The following RGMA variants were observed in gnomAD, a reference collection of about 807,000 sequenced individuals.
RGMA encodes repulsive guidance molecule A.
RGMA carries 10 observed loss-of-function variants against 23.2 expected under a neutral mutation model. The ratio of observed to expected loss-of-function variants is 0.43; its 90% CI spans 0.27 to 0.73. RGMA has a LOEUF of 0.73. Ranked by LOEUF, RGMA falls within the 30% of genes least tolerant of loss-of-function variation. The probability of loss-of-function intolerance (pLI) is 0.20; values close to 1 mark genes in which losing one functional copy is unlikely to be tolerated. For missense variants in RGMA, 547 were observed against 630.5 expected (o/e 0.87, Z 1.42); for synonymous variants, 308 against 279.3 (o/e 1.10, Z -1.03).
intron 2 of RGMA, chr15:93,066,396 G>C: frequency 2.9e-6 from 2 of 681,122 alleles, no homozygotes; most frequent in Non-Finnish European, 2.7e-6. Flanking sequence ...CCAGGTGGGG[G>C]AAACGGGGGG....
intron 3 of RGMA, among the ~76,000 whole-genome samples, chr15:93,050,913 G>A (rs769695212): frequency 6.6e-6 from 1 of 152,182 alleles, no homozygotes; most frequent in Non-Finnish European, 1.5e-5. Flanking sequence ...TCAGGAGGGC[G>A]GGTGGTGGGG....
chr15:93,073,877 A>C (rs2096746605), intron 1 of RGMA: 1 of 1,464,026 alleles, frequency 6.8e-7, no homozygotes, highest in African/African-American at 1.5e-5. Flanking sequence ...ACCTTGGCAC[A>C]GCTGCCACTC....
At position 93,084,597 on chromosome 15, in the gene RGMA, G is replaced by A. The variant is rs920629771; in HGVS notation, c.14+4322C>T. On this transcript the variant is annotated intron_variant, in intron 1 of 3. Transcript: ENST00000329082. ...AAGCGACTCTCCTCTCTCAGCCACC[G>A]GAGTAGCTGGGACTACAGTCATGTG... 2.6e-5 allele frequency among the ~76,000 whole-genome samples: 4 copies of A among 151,930 alleles called. No homozygotes were observed. In the East Asian group the frequency reaches 7.7e-4, roughly 29 times the overall value.
chr15:93,059,341 G>A lies in RGMA; in HGVS notation c.131-6834C>T, dbSNP rs183784182. Among the ~76,000 whole-genome samples the A allele has an allele frequency of 2.0e-5, 3 of 152,294 alleles. No individual in the cohort carries two copies. The East Asian group carries it at 5.8e-4, about 29-fold the overall frequency. Reference sequence around the variant, plus strand: ...ACAAAGGTCTGTGCGGAGCCCACCAGGAGCAGCGGCTGCTGCCAACTGACC... The same window carrying A: ...ACAAAGGTCTGTGCGGAGCCCACCAAGAGCAGCGGCTGCTGCCAACTGACC... On this transcript the variant is annotated intron_variant, in intron 2 of 3. Transcript: ENST00000329082.
At chr15:93,049,546 GAAA>G (rs1158719090) in intron 3 of RGMA, among the ~76,000 whole-genome samples, 1 of 152,212 alleles carries the variant, frequency 6.6e-6, no homozygotes, top group African/African-American at 2.4e-5. Flanking sequence ...TGTCCACGTA[GAAA>G]ACACTAGATC....
chr15:93,072,269 G>A (rs534588970), intron 2 of RGMA, among the ~76,000 whole-genome samples: 131 of 152,344 alleles, frequency 8.6e-4, no homozygotes, highest in African/African-American at 3.0e-3. Context: ...AACTATGGGG[G>A]ATTCATTGGA....
At chr15:93,087,650 G>A (rs1291557532) in intron 1 of RGMA, among the ~76,000 whole-genome samples, 1 of 152,138 alleles carries the variant, frequency 6.6e-6, no homozygotes, top group Non-Finnish European at 1.5e-5. Flanking sequence ...CACAGGAGAA[G>A]ACAGAGGTTT....
At chr15:93,088,596 T>C (rs2141853153) in intron 1 of RGMA, 1 of 1,073,194 alleles carries the variant, frequency 9.3e-7, no homozygotes, top group Non-Finnish European at 1.1e-6. Context: ...CGTCCGGGGC[T>C]CCGCGAGCCG....
rs2054734671 is a variant in RGMA at position 93,042,321 on chromosome 15, TAACTG to T, written c.*2672_*2676del. On this transcript the variant is annotated 3_prime_UTR_variant, in exon 4 of 4. Transcript: ENST00000329082. ...TGTATCGCCCCTTTCCTTCTCCCCT[TAACTG>T]ATTTATCTTGCTTTGGGATAATACC... 6.6e-6 allele frequency: 1 copy of T among 151,742 alleles called. No homozygotes were observed. The highest frequency in any genetic ancestry group is 2.1e-4 in the South Asian group (1 of 4,776). 9.4% of individuals were successfully genotyped at this position (151,742 alleles called of 1,614,324 possible).
At chr15:93,073,756 T>C (rs755686091) in intron 1 of RGMA, 95 of 1,536,980 alleles carry the variant, frequency 6.2e-5, no homozygotes, top group Non-Finnish European at 4.7e-5. Context: ...AGGCCACCCA[T>C]CCTGACTGGG....
At chr15:93,057,950 G>A (rs2055040507) in intron 2 of RGMA, among the ~76,000 whole-genome samples, 1 of 152,126 alleles carries the variant, frequency 6.6e-6, no homozygotes. Flanking sequence ...CTGACAGAGA[G>A]CACTCGGTTT....
chr15:93,077,126 CA>C (rs1895485080), intron 1 of RGMA, among the ~76,000 whole-genome samples: 1 of 152,210 alleles, frequency 6.6e-6, no homozygotes, highest in Non-Finnish European at 1.5e-5. Context: ...TGAGGATCTG[CA>C]AAGGCTGAAG....
At chr15:93,048,596 G>A (rs953194479) in intron 3 of RGMA, among the ~76,000 whole-genome samples, 11 of 152,164 alleles carry the variant, frequency 7.2e-5, no homozygotes, top group Admixed American at 6.5e-5. Flanking sequence ...CCCATTTGCC[G>A]TGGGATGTCA....
chr15:93,065,722 CG>C, intron 2 of RGMA: 2 of 1,196,240 alleles, frequency 1.7e-6, no homozygotes, highest in Non-Finnish European at 1.2e-6. Context: ...GGGCTCAGGC[CG>C]GGGACCATCA....
At chr15:93,059,012 T>C (rs111372336) in intron 2 of RGMA, among the ~76,000 whole-genome samples, 2,290 of 91,494 alleles carry the variant, frequency 0.025, 55 homozygotes, top group African/African-American at 0.082. Context: ...TGTTGGATCC[T>C]CGCTACTGCC....
At chr15:93,074,781 C>T (rs1317129823) in intron 1 of RGMA, among the ~76,000 whole-genome samples, 2 of 152,200 alleles carry the variant, frequency 1.3e-5, no homozygotes, top group Admixed American at 1.3e-4. Flanking sequence ...GCAGCCCATT[C>T]CAGCGGCCAC....
intron 1 of RGMA, among the ~76,000 whole-genome samples, chr15:93,076,849 G>A (rs1357556241): frequency 6.6e-6 from 1 of 152,212 alleles, no homozygotes; most frequent in Non-Finnish European, 1.5e-5. Context: ...CAATGGTGGT[G>A]AGCAAGTCCG....
Position 93,040,823 on chromosome 15 carries a change from CA to C in RGMA, c.*4174del, listed in dbSNP as rs1399512372. 1 of 152,184 alleles carries C rather than the reference CA, an allele frequency of 6.6e-6. No individual in the cohort carries two copies. The highest frequency in any genetic ancestry group is 1.5e-5 in the Non-Finnish European group (1 of 68,050). The allele number at this position is 152,184 out of a possible 1,614,324, so 9.4% of individuals were successfully genotyped here. Reference sequence around the variant, plus strand: ...AATGCAATTGCAGAGAGGAGGCGGCCACTTTTGGCGGCCTCCATGCGTGGTG... The same window carrying C: ...AATGCAATTGCAGAGAGGAGGCGGCCCTTTTGGCGGCCTCCATGCGTGGTG... On this transcript the variant is annotated 3_prime_UTR_variant, in exon 4 of 4. Transcript: ENST00000329082.
At chr15:93,055,979 G>A (rs768728284) in intron 2 of RGMA, among the ~76,000 whole-genome samples, 8 of 152,220 alleles carry the variant, frequency 5.3e-5, no homozygotes, top group Non-Finnish European at 1.0e-4. Context: ...CAGGTACCCC[G>A]GAGAGGGGTC....
Sources: gnomAD v4.1 joint callset for allele counts (sites outside exome capture counted in the v4.1 genomes callset) on GRCh38, gnomAD v4.1.1 for gene constraint, MANE v1.5 for transcripts, NCBI Gene and HGNC (gene_info 2026-07-23, HGNC 2026-07-21) for gene names.